MTREX: variants seen among roughly 807,000 people sequenced by gnomAD.
The protein encoded by MTREX is Mtr4 exosome RNA helicase.
MTREX carries 76 observed loss-of-function variants against 135.4 expected under a neutral mutation model. The ratio of observed to expected loss-of-function variants is 0.56; its 90% CI spans 0.47 to 0.68. The LOEUF (loss-of-function observed/expected upper bound fraction) is 0.68, where lower values mean the gene tolerates loss of function less well. MTREX is among the 30% of genes least tolerant of loss of function. MTREX has a pLI of 0.00. For synonymous variants in MTREX, 404 were observed against 401.6 expected (o/e 1.01, Z -0.07); for missense variants, 920 against 1,262.1 (o/e 0.73, Z 4.11).
chr5:55,312,611 A>G (rs1224974503), intron 1 of MTREX, among the ~76,000 whole-genome samples: 1 of 152,124 alleles, frequency 6.6e-6, no homozygotes, highest in East Asian at 1.9e-4. Context: ...CTTTTACTCA[A>G]CATAGTGCTT....
In MTREX at chr5:55,330,679, G is replaced by A. The variant is rs1399744415; in HGVS notation, c.515+1868G>A. The stretch of plus-strand genomic sequence containing the variant: ...CTGAGATAGTTTTTTTTTTTCCCAT[G>A]TTTCTTATACTTGAGTTTGTAGGGT... On this transcript the variant is annotated intron_variant, in intron 5 of 26. Transcript: ENST00000230640. Among the ~76,000 whole-genome samples the A allele has an allele frequency of 4.1e-5, 6 of 146,764 alleles. No individual in the cohort carries two copies. In the Middle Eastern group the frequency reaches 0.01, roughly 253 times the overall value.
At chr5:55,334,080 T>C (rs1172035911) in intron 5 of MTREX, among the ~76,000 whole-genome samples, 1 of 152,126 alleles carries the variant, frequency 6.6e-6, no homozygotes, top group Non-Finnish European at 1.5e-5. Flanking sequence ...AGTCAAAAGA[T>C]TGCTTTATGA....
intron 25 of MTREX, among the ~76,000 whole-genome samples, chr5:55,421,614 A>C (rs1751056734): frequency 6.6e-6 from 1 of 152,224 alleles, no homozygotes; most frequent in East Asian, 1.9e-4. Context: ...TCTGGTTAAC[A>C]CGAGTTACTA....
chr5:55,348,417 A>G (rs1293868239), intron 11 of MTREX, among the ~76,000 whole-genome samples: 1 of 152,234 alleles, frequency 6.6e-6, no homozygotes, highest in African/African-American at 2.4e-5. Flanking sequence ...AGGGGGACAC[A>G]TTCAAACCAA....
intron 20 of MTREX, among the ~76,000 whole-genome samples, chr5:55,399,989 G>A (rs1561208697): frequency 1.3e-5 from 2 of 152,180 alleles, no homozygotes; most frequent in Admixed American, 6.5e-5. Context: ...TGATCAAATT[G>A]TGACTTGTAG....
intron 18 of MTREX, among the ~76,000 whole-genome samples, chr5:55,386,366 CTAAAT>C (rs1303961945): frequency 2.0e-5 from 3 of 152,032 alleles, no homozygotes; most frequent in Non-Finnish European, 4.4e-5. Context: ...AAACAAAAAT[CTAAAT>C]TAAGATAATA....
intron 16 of MTREX, among the ~76,000 whole-genome samples, chr5:55,377,275 C>T (rs968194116): frequency 5.3e-5 from 8 of 151,888 alleles, no homozygotes; most frequent in African/African-American, 1.2e-4. Context: ...TGCAGTGAGC[C>T]GAGATCACGC....
intron 6 of MTREX, 142 bp downstream of exon 6, chr5:55,340,326 G>A: frequency 2.3e-6 from 1 of 441,150 alleles, no homozygotes. Context: ...TAGGCAAAAT[G>A]GATAACATTT....
chr5:55,416,320 C>T (rs1278849193), intron 25 of MTREX, among the ~76,000 whole-genome samples, 188 bp downstream of exon 25: 1 of 151,956 alleles, frequency 6.6e-6, no homozygotes, highest in Non-Finnish European at 1.5e-5. Flanking sequence ...ATAGTCTGTT[C>T]ATTAGAAAGT....
At chr5:55,392,250 A>G (rs529117441) in intron 19 of MTREX, among the ~76,000 whole-genome samples, 2 of 152,262 alleles carry the variant, frequency 1.3e-5, no homozygotes, top group South Asian at 4.1e-4. Context: ...GCAATCATTA[A>G]GTTCTCCTGT....
intron 14 of MTREX, 133 bp from the exon 15 acceptor site, chr5:55,358,439 TC>T: frequency 1.3e-6 from 1 of 758,940 alleles, no homozygotes; most frequent in South Asian, 2.2e-5. Context: ...TTCTCAAACT[TC>T]ATGTTGTTTT....
At chr5:55,388,821 A>G (rs975846895) in intron 19 of MTREX, among the ~76,000 whole-genome samples, 5 of 152,228 alleles carry the variant, frequency 3.3e-5, no homozygotes, top group African/African-American at 1.2e-4. Context: ...AGTTAAAATC[A>G]TTTAATTTAC....
intron 25 of MTREX, among the ~76,000 whole-genome samples, chr5:55,416,441 T>C (rs1381293099): frequency 6.6e-6 from 1 of 152,116 alleles, no homozygotes; most frequent in Non-Finnish European, 1.5e-5. Context: ...GTATTTTTCC[T>C]TTTCACTTTT....
intron 22 of MTREX, among the ~76,000 whole-genome samples, chr5:55,406,931 T>G (rs1238437640): frequency 6.6e-6 from 1 of 152,224 alleles, no homozygotes; most frequent in African/African-American, 2.4e-5. Context: ...GAATGTCTCC[T>G]GCCTTAGGAG....
At chr5:55,321,610 T>C (rs1749291165) in intron 1 of MTREX, among the ~76,000 whole-genome samples, 1 of 149,602 alleles carries the variant, frequency 6.7e-6, no homozygotes, top group Admixed American at 6.6e-5. Context: ...TCTATTTTTT[T>C]TTTTTTTTTT....
chr5:55,349,297 C>T (rs1054079641), intron 11 of MTREX, among the ~76,000 whole-genome samples: 2 of 151,600 alleles, frequency 1.3e-5, no homozygotes, highest in African/African-American at 4.9e-5. Flanking sequence ...GGTAGTCCTC[C>T]TGTCTCAGCC....
chr5:55,323,104 T>C (rs1380005163), intron 2 of MTREX, among the ~76,000 whole-genome samples: 1 of 152,192 alleles, frequency 6.6e-6, no homozygotes, highest in African/African-American at 2.4e-5. Flanking sequence ...TTAAAACCAG[T>C]TAACTTTTGT....
chr5:55,339,171 T>G (rs1163001454), intron 5 of MTREX, among the ~76,000 whole-genome samples: 1 of 152,224 alleles, frequency 6.6e-6, no homozygotes, highest in Non-Finnish European at 1.5e-5. Context: ...TGTGACTGCT[T>G]CTTTTTTCCT....
intron 5 of MTREX, among the ~76,000 whole-genome samples, chr5:55,336,603 T>C (rs558667423): frequency 6.6e-6 from 1 of 152,342 alleles, no homozygotes; most frequent in South Asian, 2.1e-4. Context: ...CATTTGTGTA[T>C]GTTACTGATT....
Sources: allele counts gnomAD v4.1 joint callset (sites outside exome capture counted in the v4.1 genomes callset), GRCh38; gene constraint gnomAD v4.1.1; transcripts MANE v1.5; gene names NCBI Gene and HGNC (gene_info 2026-07-23, HGNC 2026-07-21).